Variants in HS3ST4 observed in about 807,000 individuals in gnomAD.
HS3ST4 encodes the protein heparan sulfate glucosamine 3-O-sulfotransferase 4.
Under a neutral mutation model 29.2 loss-of-function variants are expected in HS3ST4, and 17 were observed. That is an observed-to-expected ratio of 0.58 (90% confidence interval 0.40 to 0.87). HS3ST4 has a LOEUF of 0.87. HS3ST4 is among the 40% of genes least tolerant of loss of function. The pLI is 0.00. For synonymous variants in HS3ST4, 314 were observed against 285.7 expected, an observed-to-expected ratio of 1.10 and a Z score of -1.00; for missense variants, 627 against 634.5, an observed-to-expected ratio of 0.99 and a Z score of 0.13.
chr16:25,858,096 G>A (rs1481397358), intron 1 of HS3ST4, among the ~76,000 whole-genome samples: 1 of 126,030 alleles, frequency 7.9e-6, no homozygotes, highest in African/African-American at 3.0e-5. Context: ...TTCTTTCTCT[G>A]TTTCATTCCT....
chr16:25,763,496 G>A (rs952072348), intron 1 of HS3ST4, among the ~76,000 whole-genome samples: 1 of 152,176 alleles, frequency 6.6e-6, no homozygotes, highest in South Asian at 2.1e-4. Context: ...AATTATTCTT[G>A]CATTTACCAA....
chr16:25,986,082 A>T (rs1567287847), intron 1 of HS3ST4, among the ~76,000 whole-genome samples: 1 of 151,828 alleles, frequency 6.6e-6, no homozygotes, highest in Non-Finnish European at 1.5e-5. Flanking sequence ...TCTTGGTTTT[A>T]CTCTCTGCTC....
chr16:25,900,402 T>G (rs774448183), intron 1 of HS3ST4, among the ~76,000 whole-genome samples: 2 of 152,210 alleles, frequency 1.3e-5, no homozygotes, highest in Non-Finnish European at 2.9e-5. Flanking sequence ...TATATTATAA[T>G]GAAAAAAGTG....
At chr16:25,749,175 C>A (rs896725752) in intron 1 of HS3ST4, among the ~76,000 whole-genome samples, 1 of 152,122 alleles carries the variant, frequency 6.6e-6, no homozygotes, top group South Asian at 2.1e-4. Flanking sequence ...CACCTTTAGA[C>A]GTATTTTTTA....
chr16:25,776,375 G>T (rs1966847540), intron 1 of HS3ST4, among the ~76,000 whole-genome samples: 1 of 152,154 alleles, frequency 6.6e-6, no homozygotes, highest in Non-Finnish European at 1.5e-5. Flanking sequence ...CTCCTTTGGA[G>T]AGGCTCATCA....
intron 1 of HS3ST4, among the ~76,000 whole-genome samples, chr16:25,826,698 G>C (rs1967219946): frequency 6.6e-6 from 1 of 152,170 alleles, no homozygotes; most frequent in Admixed American, 6.5e-5. Context: ...TCTTGGTGAG[G>C]TCAACAAAGG....
chr16:25,794,842 T>C (rs1966878405), intron 1 of HS3ST4, among the ~76,000 whole-genome samples: 1 of 151,474 alleles, frequency 6.6e-6, no homozygotes, highest in African/African-American at 2.4e-5. Flanking sequence ...TCCCATTCTC[T>C]TTACTCTTCT....
At chr16:25,833,652 C>G (rs567770603) in intron 1 of HS3ST4, among the ~76,000 whole-genome samples, 1 of 152,152 alleles carries the variant, frequency 6.6e-6, no homozygotes, top group East Asian at 1.9e-4. Flanking sequence ...ATTAAGTGCC[C>G]CACATGTGGT....
chr16:26,126,553 A>G (rs1179006807), intron 1 of HS3ST4, among the ~76,000 whole-genome samples: 2 of 152,182 alleles, frequency 1.3e-5, no homozygotes, highest in Non-Finnish European at 2.9e-5. Flanking sequence ...CCAAAGCCCC[A>G]CCTCTAATGA....
intron 1 of HS3ST4, among the ~76,000 whole-genome samples, chr16:25,812,948 T>G (rs550038859): frequency 9.2e-5 from 14 of 152,234 alleles, no homozygotes; most frequent in African/African-American, 3.4e-4. Context: ...TAGAAAGAAT[T>G]TTCTTGGTTC....
At chr16:25,850,996 C>T (rs1297211454) in intron 1 of HS3ST4, among the ~76,000 whole-genome samples, 3 of 152,144 alleles carry the variant, frequency 2.0e-5, no homozygotes, top group African/African-American at 4.8e-5. Context: ...ATTTTACTTC[C>T]AGAGTTTAGT....
chr16:25,744,142 A>G (rs992507591), intron 1 of HS3ST4, among the ~76,000 whole-genome samples: 3 of 152,332 alleles, frequency 2.0e-5, no homozygotes, highest in East Asian at 3.9e-4. Flanking sequence ...TCTGTTCCTT[A>G]TCGTCTACCT....
intron 1 of HS3ST4, among the ~76,000 whole-genome samples, chr16:25,797,109 G>C (rs1966890528): frequency 6.6e-6 from 1 of 152,170 alleles, no homozygotes; most frequent in African/African-American, 2.4e-5. Context: ...GAAGTAACTG[G>C]TTTTTCAGGA....
rs1024093239 is a variant in HS3ST4 at position 25,692,583 on chromosome 16, T to A, written c.166T>A (p.Ser56Thr). 7.0e-7 allele frequency: 1 copy of A among 1,421,936 alleles called. No homozygotes were observed. The highest frequency in any genetic ancestry group is 2.4e-5 in the Admixed American group (1 of 41,978). The allele number at this position is 1,421,936 out of a possible 1,614,324, so 88.1% of individuals were successfully genotyped here. A position where few individuals can be genotyped will look rare whatever the true frequency, so the allele number is the denominator to read the frequency against. Residue 56 changes from serine (S) to threonine (T), a missense_variant, in exon 1 of 2, where the codon TCG (serine) becomes ACG (threonine). By Grantham distance (58) the Ser-to-Thr change is moderately conservative (BLOSUM62 1). Transcript: ENST00000331351. ...TYLCYSLLGG[S>T]GSLQFPLALQ... is the part of the protein sequence containing the mutation. ...CCTGTGCTACAGCCTCCTGGGCGGCTCGGGCTCCCTGCAATTCCCTCTGGC... is the reference window on the plus strand; with the variant it reads ...CCTGTGCTACAGCCTCCTGGGCGGCACGGGCTCCCTGCAATTCCCTCTGGC...
At chr16:25,760,499 A>G (rs1966782765) in intron 1 of HS3ST4, among the ~76,000 whole-genome samples, 2 of 149,778 alleles carry the variant, frequency 1.3e-5, no homozygotes, top group Non-Finnish European at 3.0e-5. Context: ...GCTCACTGCA[A>G]CCTCCACCTC....
chr16:26,000,914 T>A (rs1480555043), intron 1 of HS3ST4, among the ~76,000 whole-genome samples: 5 of 152,116 alleles, frequency 3.3e-5, no homozygotes, highest in Admixed American at 2.6e-4. Context: ...GTTTTGTTTT[T>A]AAAAAAAATT....
chr16:26,073,844 C>T (rs1898629458), intron 1 of HS3ST4, among the ~76,000 whole-genome samples: 1 of 152,212 alleles, frequency 6.6e-6, no homozygotes, highest in South Asian at 2.1e-4. Flanking sequence ...TGGGTGGATG[C>T]CTTATTGCTT....
At chr16:26,010,965 G>C (rs1173141551) in intron 1 of HS3ST4, among the ~76,000 whole-genome samples, 2 of 152,116 alleles carry the variant, frequency 1.3e-5, no homozygotes, top group Non-Finnish European at 2.9e-5. Context: ...TCTCCTAAGG[G>C]TAGTTTTGAG....
intron 1 of HS3ST4, among the ~76,000 whole-genome samples, chr16:26,049,461 T>C (rs1459540707): frequency 7.1e-6 from 1 of 141,464 alleles, no homozygotes; most frequent in Non-Finnish European, 1.5e-5. Context: ...CAGTGGGGAA[T>C]GCGTGCCTCT....
Sources: gnomAD v4.1 joint callset for allele counts (sites outside exome capture counted in the v4.1 genomes callset) on GRCh38, gnomAD v4.1.1 for gene constraint, MANE v1.5 for transcripts, NCBI Gene and HGNC (gene_info 2026-07-23, HGNC 2026-07-21) for gene names.